Variants in ANO6 observed in about 807,000 individuals in gnomAD.
ANO6 encodes anoctamin 6, also known as anoctamin-6.
A neutral mutation model predicts 117.5 loss-of-function variants in ANO6; 106 were observed. The observed-to-expected ratio is 0.90, with a 90% CI of 0.77 to 1.06. The LOEUF is 1.06. ANO6 is among the 50% of genes least tolerant of loss of function. The probability of loss-of-function intolerance (pLI) is 0.00; values close to 1 mark genes in which losing one functional copy is unlikely to be tolerated. For synonymous variants in ANO6, 367 were observed against 385.1 expected (o/e 0.95, Z 0.55); for missense variants, 955 against 1,121.1 (o/e 0.85, Z 2.12).
chr12:45,382,656 C>A (rs1038929231), intron 10 of ANO6, among the ~76,000 whole-genome samples: 1 of 152,024 alleles, frequency 6.6e-6, no homozygotes, highest in African/African-American at 2.4e-5. Context: ...CACAAGAAAG[C>A]GAGTATCACA....
chr12:45,309,064 G>A (rs911781016), intron 2 of ANO6, among the ~76,000 whole-genome samples: 4 of 152,062 alleles, frequency 2.6e-5, no homozygotes, highest in African/African-American at 7.2e-5. Context: ...TCTTAAATAA[G>A]TTCTTTTTGA....
In ANO6 at chr12:45,403,553, A is replaced by G. The variant is rs375951081; in HGVS notation, c.1880+17A>G. On this transcript the variant is annotated intron_variant, in intron 15 of 19. Transcript: ENST00000320560. The stretch of plus-strand genomic sequence containing the variant: ...ATTATTGCCGTGAGTGTTAAATTGT[A>G]TAGCCATGGGTAAAAGGACAAGGGA... The G allele has an allele frequency of 1.8e-4, 282 of 1,592,458 alleles. No individual in the cohort carries two copies. The highest frequency in any genetic ancestry group is 1.7e-3 in the South Asian group (154 of 90,618).
chr12:45,300,420 C>T (rs1939443620), intron 1 of ANO6, among the ~76,000 whole-genome samples: 1 of 152,174 alleles, frequency 6.6e-6, no homozygotes, highest in Non-Finnish European at 1.5e-5. Context: ...CTTGTGCACT[C>T]CTCCCACCTT....
chr12:45,249,703 C>G (rs1042686278), intron 1 of ANO6, among the ~76,000 whole-genome samples: 1 of 152,124 alleles, frequency 6.6e-6, no homozygotes, highest in Non-Finnish European at 1.5e-5. Context: ...TAGAGAAAAG[C>G]TTCTTCTGGA....
At chr12:45,275,430 G>A (rs1938524687) in intron 1 of ANO6, among the ~76,000 whole-genome samples, 2 of 151,984 alleles carry the variant, frequency 1.3e-5, no homozygotes, top group African/African-American at 2.4e-5. Flanking sequence ...GGCTGGTCTC[G>A]AACTCCTGAC....
At chr12:45,248,330 A>T (rs1436069558) in intron 1 of ANO6, among the ~76,000 whole-genome samples, 1 of 152,012 alleles carries the variant, frequency 6.6e-6, no homozygotes, top group African/African-American at 2.4e-5. Context: ...CCCACTACTC[A>T]GTTAAGCTTT....
At chr12:45,308,382 C>T (rs940626845) in intron 2 of ANO6, among the ~76,000 whole-genome samples, 10 of 151,964 alleles carry the variant, frequency 6.6e-5, no homozygotes, top group African/African-American at 1.2e-4. Flanking sequence ...TAGGAGATTG[C>T]GGAAGCTTTT....
Position 45,348,140 on chromosome 12 carries a change from A to G in ANO6, c.458A>G (p.Asn153Ser), listed in dbSNP as rs1004567678. 1 of 1,613,992 alleles carries G rather than the reference A, an allele frequency of 6.2e-7. No homozygotes were observed. The highest frequency in any genetic ancestry group is 2.2e-5 in the East Asian group (1 of 44,870). Residue 153 changes from asparagine to serine, a missense_variant, in exon 5 of 20, where the codon AAC (asparagine) becomes AGC (serine). Coordinates refer to ENST00000320560, the MANE Select transcript of ANO6 (RefSeq NM_001025356.3). ...KLPLKPNDLK[N>S]RSSAFGTLNW... ...CCTCTGAAACCCAATGATCTGAAAA[A>G]CCGGTCCTCAGCCTTTGGTACACTC...
At chr12:45,319,640 T>A (rs545519873) in intron 2 of ANO6, among the ~76,000 whole-genome samples, 2 of 152,316 alleles carry the variant, frequency 1.3e-5, no homozygotes, top group Admixed American at 6.5e-5. Flanking sequence ...ATAAAATGAG[T>A]TAGGGAGGAT....
intron 15 of ANO6, among the ~76,000 whole-genome samples, chr12:45,404,626 C>T (rs1196491135): frequency 6.6e-6 from 1 of 152,012 alleles, no homozygotes; most frequent in African/African-American, 2.4e-5. Context: ...AGCAAAGTTT[C>T]GTGTTTGTGA....
chr12:45,299,715 G>C (rs1424739288), intron 1 of ANO6, among the ~76,000 whole-genome samples: 2 of 152,070 alleles, frequency 1.3e-5, no homozygotes, highest in Admixed American at 1.3e-4. Flanking sequence ...CTAGCCAGGT[G>C]TAGTGGCACG....
chr12:45,269,150 AT>A (rs1190388810), intron 1 of ANO6, among the ~76,000 whole-genome samples: 1 of 152,184 alleles, frequency 6.6e-6, no homozygotes, highest in Non-Finnish European at 1.5e-5. Flanking sequence ...ATCATCTGGC[AT>A]TATTTTATAA....
Position 45,429,775 on chromosome 12 carries a change from TTTC to T in ANO6, c.*465_*467del. The T allele has an allele frequency of 1.0e-6, 1 of 999,678 alleles. No homozygotes were observed. Among genetic ancestry groups the T allele is most frequent in the South Asian group, 4.3e-5 (1 of 23,266 alleles). 61.9% of individuals were successfully genotyped at this position (999,678 alleles called of 1,614,324 possible). On this transcript the variant is annotated 3_prime_UTR_variant, in exon 20 of 20. Coordinates refer to ENST00000320560, the MANE Select transcript of ANO6 (RefSeq NM_001025356.3). ...ATCATTATAGATTTAATTTAATAGCTTTCATGTGATTAAAAATAGCTAACTAGA... is the reference window on the plus strand; with the variant it reads ...ATCATTATAGATTTAATTTAATAGCTATGTGATTAAAAATAGCTAACTAGA...
chr12:45,275,438 G>T (rs1304488902), intron 1 of ANO6, among the ~76,000 whole-genome samples: 1 of 152,092 alleles, frequency 6.6e-6, no homozygotes, highest in African/African-American at 2.4e-5. Context: ...TCGAACTCCT[G>T]ACCTCATGAT....
intron 12 of ANO6, among the ~76,000 whole-genome samples, chr12:45,396,529 C>A (rs1323092499): frequency 1.3e-5 from 2 of 152,186 alleles, no homozygotes; most frequent in Non-Finnish European, 2.9e-5. Flanking sequence ...ATTGCCAAGA[C>A]AATCCTAAGC....
In ANO6 at chr12:45,439,972, G is replaced by A. The variant is rs74081827; in HGVS notation, c.*34G>A. On this transcript the variant is annotated 3_prime_UTR_variant, in exon 20 of 20. Coordinates refer to the ANO6 transcript ENST00000425752. ...AATAATTCATTCAACAAATATTTGT[G>A]TGTCTATTATGTGGCCAGCATTGTT... 40,064 of 1,455,014 alleles carry A rather than the reference G, an allele frequency of 0.028. 1,009 individuals carry two copies. Among genetic ancestry groups the A allele is most frequent in the African/African-American group, 0.13 (8,858 of 70,160 alleles). The allele number at this position is 1,455,014 out of a possible 1,614,324, so 90.1% of individuals were successfully genotyped here. A position where few individuals can be genotyped will look rare whatever the true frequency, so the allele number is the denominator to read the frequency against.
intron 1 of ANO6, among the ~76,000 whole-genome samples, chr12:45,272,866 G>A (rs1421205675): frequency 6.6e-6 from 1 of 152,114 alleles, no homozygotes; most frequent in Non-Finnish European, 1.5e-5. Flanking sequence ...TGTGTTCATT[G>A]CAGCATAATT....
At chr12:45,384,051 T>C (rs1013882962) in intron 10 of ANO6, among the ~76,000 whole-genome samples, 2 of 152,258 alleles carry the variant, frequency 1.3e-5, no homozygotes, top group Non-Finnish European at 1.5e-5. Context: ...AGCTAGATCT[T>C]CTGAATAACT....
chr12:45,220,991 C>T (rs551315659), intron 1 of ANO6, among the ~76,000 whole-genome samples: 2 of 152,206 alleles, frequency 1.3e-5, no homozygotes, highest in Admixed American at 6.5e-5. Context: ...TTGCAAGAAC[C>T]TCAATTTGTA....
Sources: allele counts gnomAD v4.1 joint callset (sites outside exome capture counted in the v4.1 genomes callset), GRCh38; gene constraint gnomAD v4.1.1; transcripts MANE v1.5; gene names NCBI Gene and HGNC (gene_info 2026-07-23, HGNC 2026-07-21).